Variants in GPC5 observed in about 807,000 individuals in gnomAD.
The protein encoded by GPC5 is glypican 5, also known as glypican-5.
Under a neutral mutation model 53.9 loss-of-function variants are expected in GPC5, and 47 were observed. The ratio of observed to expected loss-of-function variants is 0.87; its 90% CI spans 0.69 to 1.11. The LOEUF (loss-of-function observed/expected upper bound fraction) is 1.11. GPC5 is among the 50% of genes most tolerant of loss of function. GPC5 has a pLI of 0.00. For synonymous variants in GPC5, 286 were observed against 263.3 expected (o/e 1.09, Z -0.84); for missense variants, 748 against 713.1 (o/e 1.05, Z -0.56).
chr13:91,571,823 A>ATG lies in GPC5; in HGVS notation c.326-121363_326-121362insGT, dbSNP rs1451875004. On this transcript the variant is annotated intron_variant, in intron 2 of 7. Coordinates refer to ENST00000377067, the MANE Select transcript of GPC5 (RefSeq NM_004466.6). ...TATATACACACACATACGTGTGTGTATATATACACATATACTTGTGTGTAT... is the reference window on the plus strand; with the variant it reads ...TATATACACACACATACGTGTGTGTATGTATATACACATATACTTGTGTGTAT... 4.4e-3 allele frequency among the ~76,000 whole-genome samples: 303 copies of ATG among 68,710 alleles called. 59 individuals carry two copies. Among genetic ancestry groups the ATG allele is most frequent in the African/African-American group, 0.017 (177 of 10,206 alleles). The allele number at this position is 68,710 out of a possible 152,430, so 45.1% of individuals were successfully genotyped here.
chr13:92,040,313 G>T (rs1594739390), intron 6 of GPC5, among the ~76,000 whole-genome samples: 1 of 152,040 alleles, frequency 6.6e-6, no homozygotes, highest in African/African-American at 2.4e-5. Context: ...CTAACTAAAC[G>T]TTCCCCCATC....
intron 1 of GPC5, among the ~76,000 whole-genome samples, chr13:91,441,047 G>T (rs1169776947): frequency 2.6e-5 from 4 of 152,124 alleles, no homozygotes; most frequent in Admixed American, 1.3e-4. Flanking sequence ...GAGTCACTTT[G>T]TACGTGGAAT....
At chr13:92,621,752 G>A (rs994104692) in intron 7 of GPC5, among the ~76,000 whole-genome samples, 5 of 152,010 alleles carry the variant, frequency 3.3e-5, no homozygotes, top group African/African-American at 1.2e-4. Context: ...CCAGGATGCC[G>A]AGGTTGCAGT....
chr13:91,852,654 T>C (rs183408992), intron 5 of GPC5, among the ~76,000 whole-genome samples: 147 of 152,190 alleles, frequency 9.7e-4, no homozygotes, highest in Middle Eastern at 3.4e-3. Context: ...CTTGGGAGTA[T>C]GTCTTCTCTT....
At chr13:91,770,300 T>C in intron 5 of GPC5, among the ~76,000 whole-genome samples, 1 of 152,132 alleles carries the variant, frequency 6.6e-6, no homozygotes, top group Non-Finnish European at 1.5e-5. Context: ...ACTTTTGGGA[T>C]TTATATTCAG....
At chr13:91,520,577 A>G (rs780320091) in intron 2 of GPC5, among the ~76,000 whole-genome samples, 5 of 152,132 alleles carry the variant, frequency 3.3e-5, no homozygotes, top group Non-Finnish European at 5.9e-5. Flanking sequence ...AGCCTGCAAG[A>G]CTGCCTTTAT....
At chr13:91,728,485 G>T in intron 3 of GPC5, 47 bp from the exon 4 acceptor site, 1 of 1,573,586 alleles carries the variant, frequency 6.4e-7, no homozygotes, top group Non-Finnish European at 8.6e-7. Flanking sequence ...TTCTCAGAAA[G>T]GTGGAGTACG....
chr13:92,008,023 T>A (rs977514219), intron 6 of GPC5, among the ~76,000 whole-genome samples: 4 of 151,958 alleles, frequency 2.6e-5, no homozygotes, highest in Non-Finnish European at 5.9e-5. Flanking sequence ...CTTGGAACAG[T>A]ACATGACTTA....
At chr13:91,989,632 T>C (rs1417942706) in intron 6 of GPC5, among the ~76,000 whole-genome samples, 1 of 152,186 alleles carries the variant, frequency 6.6e-6, no homozygotes, top group Non-Finnish European at 1.5e-5. Flanking sequence ...GTCAGGTAAA[T>C]ATAAAAGGCA....
chr13:92,829,221 A>G (rs1877962263), intron 7 of GPC5, among the ~76,000 whole-genome samples: 1 of 152,184 alleles, frequency 6.6e-6, no homozygotes, highest in Non-Finnish European at 1.5e-5. Context: ...TTGCCACAAT[A>G]CATTTTCTGA....
intron 7 of GPC5, among the ~76,000 whole-genome samples, chr13:92,532,673 A>G (rs1469976903): frequency 6.6e-6 from 1 of 152,174 alleles, no homozygotes; most frequent in East Asian, 1.9e-4. Context: ...GATTTGTAAA[A>G]TTATGGTAAC....
intron 7 of GPC5, among the ~76,000 whole-genome samples, chr13:92,631,821 G>A (rs1594365623): frequency 6.6e-6 from 1 of 152,058 alleles, no homozygotes; most frequent in East Asian, 1.9e-4. Flanking sequence ...CAAAGCACAG[G>A]TGCACAAAAC....
rs1427631106 is a variant in GPC5 at position 92,424,619 on chromosome 13, C to T, written c.1561+279630C>T. 3.3e-5 allele frequency among the ~76,000 whole-genome samples: 5 copies of T among 150,722 alleles called. No individual in the cohort carries two copies. In the East Asian group the frequency reaches 1.0e-3, roughly 30 times the overall value. The stretch of plus-strand genomic sequence containing the variant: ...TTATTATTAAAAAGTTACATCTGTT[C>T]TTCCATAGCTTTATGACTTGATCTC... On this transcript the variant is annotated intron_variant, in intron 7 of 7. Coordinates refer to ENST00000377067, the MANE Select transcript of GPC5 (RefSeq NM_004466.6).
intron 7 of GPC5, among the ~76,000 whole-genome samples, chr13:92,236,754 C>T (rs2042573325): frequency 6.6e-6 from 1 of 152,006 alleles, no homozygotes; most frequent in African/African-American, 2.4e-5. Flanking sequence ...AACTTAGTGA[C>T]CTCAAGTGTT....
intron 7 of GPC5, among the ~76,000 whole-genome samples, chr13:92,182,879 A>G (rs1238616090): frequency 7.0e-6 from 1 of 143,098 alleles, no homozygotes; most frequent in Non-Finnish European, 1.6e-5. Flanking sequence ...AAAAAAAGAA[A>G]AAAAAAAAAA....
intron 5 of GPC5, among the ~76,000 whole-genome samples, chr13:91,761,559 C>T (rs1406073593): frequency 6.6e-6 from 1 of 152,130 alleles, no homozygotes; most frequent in Admixed American, 6.5e-5. Flanking sequence ...TTCTACAACC[C>T]CCTCTTTGGG....
chr13:92,645,072 T>C (rs1260628208), intron 7 of GPC5, among the ~76,000 whole-genome samples: 1 of 152,202 alleles, frequency 6.6e-6, no homozygotes, highest in Non-Finnish European at 1.5e-5. Flanking sequence ...CATGTTTTGA[T>C]AAAAGCATAG....
At chr13:92,459,517 C>T (rs906234979) in intron 7 of GPC5, among the ~76,000 whole-genome samples, 2 of 152,154 alleles carry the variant, frequency 1.3e-5, no homozygotes, top group Non-Finnish European at 1.5e-5. Context: ...CAGAAGAAGT[C>T]GGTTCAAATA....
chr13:91,947,084 CAGA>C (rs1300345368), intron 6 of GPC5, among the ~76,000 whole-genome samples: 15 of 152,156 alleles, frequency 9.9e-5, no homozygotes, highest in Non-Finnish European at 8.8e-5. Flanking sequence ...CCATTGCACA[CAGA>C]AGAACCCTTT....
Sources: allele counts gnomAD v4.1 joint callset (sites outside exome capture counted in the v4.1 genomes callset), GRCh38; gene constraint gnomAD v4.1.1; transcripts MANE v1.5; gene names NCBI Gene and HGNC (gene_info 2026-07-23, HGNC 2026-07-21).